The following PTPRD variants were observed in gnomAD, a reference collection of about 807,000 sequenced individuals.
PTPRD encodes the protein protein tyrosine phosphatase receptor type D.
In PTPRD, 34 loss-of-function variants were observed where a neutral mutation model predicts 214.5. The ratio of observed to expected loss-of-function variants is 0.16; its 90% confidence interval spans 0.12 to 0.21. The LOEUF (loss-of-function observed/expected upper bound fraction) is 0.21, where lower values mean the gene tolerates loss of function less well. Among genes scored for constraint, PTPRD ranks in the 10% least tolerant of loss-of-function variants. The pLI, the probability that PTPRD is intolerant of heterozygous loss-of-function variation, is 1.00. For synonymous variants in PTPRD, 1,128 were observed against 845.7 expected, an observed-to-expected ratio of 1.33 and a Z score of -5.79; for missense variants, 2,545 against 2,398.7, an observed-to-expected ratio of 1.06 and a Z score of -1.27.
intron 2 of PTPRD, among the ~76,000 whole-genome samples, chr9:10,486,149 G>A (rs193164146): frequency 1.3e-5 from 2 of 151,918 alleles, no homozygotes; most frequent in Non-Finnish European, 2.9e-5. Flanking sequence ...TCACTCTGAT[G>A]GTAGTTTCTT....
intron 2 of PTPRD, among the ~76,000 whole-genome samples, chr9:10,492,771 C>A (rs561760214): frequency 6.6e-6 from 1 of 152,128 alleles, no homozygotes; most frequent in South Asian, 2.1e-4. Flanking sequence ...TGGTGTTATT[C>A]ATGAAGTCTA....
chr9:8,547,596 T>C (rs2140485092), intron 14 of PTPRD, among the ~76,000 whole-genome samples: 1 of 150,148 alleles, frequency 6.7e-6, no homozygotes, highest in East Asian at 2.0e-4. Flanking sequence ...TGAGCCGTGT[T>C]CACACCACCG....
intron 11 of PTPRD, 128 bp from the exon 12 acceptor site, chr9:8,734,074 T>C: frequency 3.5e-6 from 2 of 565,618 alleles, no homozygotes; most frequent in South Asian, 2.1e-5. Flanking sequence ...ACACAATAAA[T>C]TGTAACTGTC....
intron 3 of PTPRD, among the ~76,000 whole-genome samples, chr9:10,052,922 T>G (rs2097559915): frequency 6.6e-6 from 1 of 152,164 alleles, no homozygotes; most frequent in South Asian, 2.1e-4. Flanking sequence ...AGGAACTCAC[T>G]GTGAAGAGTA....
At chr9:10,049,453 C>G (rs1311922561) in intron 3 of PTPRD, among the ~76,000 whole-genome samples, 6 of 126,872 alleles carry the variant, frequency 4.7e-5, no homozygotes, top group African/African-American at 1.7e-4. Context: ...AAAAAAAAAC[C>G]CTTCTATATG....
At chr9:8,861,205 A>G (rs758547316) in intron 11 of PTPRD, 1 of 152,192 alleles carries the variant, frequency 6.6e-6, no homozygotes, top group African/African-American at 2.4e-5. Flanking sequence ...GAGGCATCCT[A>G]ACAGGAGACT....
At chr9:8,750,940 C>T (rs1364179746) in intron 11 of PTPRD, among the ~76,000 whole-genome samples, 2 of 152,102 alleles carry the variant, frequency 1.3e-5, no homozygotes, top group African/African-American at 2.4e-5. Flanking sequence ...CAACCTCCCC[C>T]GACTGCCCTC....
At chr9:8,915,009 C>T (rs368396352) in intron 11 of PTPRD, among the ~76,000 whole-genome samples, 5 of 151,820 alleles carry the variant, frequency 3.3e-5, no homozygotes, top group South Asian at 4.2e-4. Flanking sequence ...GAACCCTGTA[C>T]GAGAACACAT....
At chr9:10,583,684 T>C (rs1050071142) in intron 2 of PTPRD, among the ~76,000 whole-genome samples, 1 of 152,014 alleles carries the variant, frequency 6.6e-6, no homozygotes, top group African/African-American at 2.4e-5. Context: ...TTCACCATGT[T>C]AGTCAGGATG....
rs761320555 is a variant in PTPRD at position 8,465,690 on chromosome 9, T to G, written c.3505-15A>C. 1.3e-6 allele frequency: 2 copies of G among 1,587,474 alleles called. No individual in the cohort carries two copies. Among genetic ancestry groups the G allele is most frequent in the Admixed American group, 3.6e-5 (2 of 54,830 alleles). On this transcript the variant is annotated splice_polypyrimidine_tract_variant and intron_variant, in intron 31 of 45. Coordinates refer to ENST00000381196, the MANE Select transcript of PTPRD (RefSeq NM_002839.4). ...TCCTTAAGCAGCTTAAGGAAAAAAG[T>G]GGGAAACAGAAAAAGAACTGTAAAT...
chr9:10,040,984 G>A (rs140765281), intron 3 of PTPRD, among the ~76,000 whole-genome samples: 15 of 152,056 alleles, frequency 9.9e-5, no homozygotes, highest in African/African-American at 3.6e-4. Context: ...TTGTTGTTTT[G>A]AAGAGTGATA....
intron 3 of PTPRD, among the ~76,000 whole-genome samples, chr9:10,333,368 A>C (rs1466023680): frequency 6.6e-6 from 1 of 151,788 alleles, no homozygotes; most frequent in Admixed American, 6.6e-5. Context: ...GGAAGACATC[A>C]AAGTAGCTGT....
At chr9:8,624,760 C>G (rs1242765461) in intron 14 of PTPRD, among the ~76,000 whole-genome samples, 1 of 151,776 alleles carries the variant, frequency 6.6e-6, no homozygotes, top group Non-Finnish European at 1.5e-5. Flanking sequence ...AAGGTTGATA[C>G]AAATTCATGC....
rs190702676 is a variant in PTPRD at position 9,294,210 on chromosome 9, T to G, written c.-203+103239A>C. On this transcript the variant is annotated intron_variant, in intron 9 of 45. Coordinates refer to ENST00000381196, the MANE Select transcript of PTPRD (RefSeq NM_002839.4). ...ATGTAAAACTTATGAATTGTTTATT[T>G]CTGGAATTTTCCACTTACTATTTCA... Among the ~76,000 whole-genome samples, 13 of 151,834 alleles carry G rather than the reference T, an allele frequency of 8.6e-5. No individual in the cohort carries two copies. In the East Asian group the frequency reaches 2.3e-3, roughly 27 times the overall value.
chr9:8,988,736 G>A (rs941362076), intron 11 of PTPRD, among the ~76,000 whole-genome samples: 1 of 152,034 alleles, frequency 6.6e-6, no homozygotes, highest in South Asian at 2.1e-4. Flanking sequence ...TTGCTCCTGT[G>A]TCTCTTTCAT....
chr9:9,794,496 G>C (rs1270754657), intron 5 of PTPRD, among the ~76,000 whole-genome samples: 1 of 146,576 alleles, frequency 6.8e-6, no homozygotes, highest in Admixed American at 6.8e-5. Flanking sequence ...GAAGGCATGG[G>C]GGGTATATGT....
At chr9:8,792,981 G>C (rs1566102211) in intron 11 of PTPRD, among the ~76,000 whole-genome samples, 1 of 152,140 alleles carries the variant, frequency 6.6e-6, no homozygotes, top group African/African-American at 2.4e-5. Flanking sequence ...TAGGAAAAGT[G>C]GTACAATGCC....
intron 8 of PTPRD, among the ~76,000 whole-genome samples, chr9:9,431,357 C>G (rs573710044): frequency 1.7e-4 from 26 of 152,224 alleles, no homozygotes; most frequent in Admixed American, 7.8e-4. Flanking sequence ...CAATGAGATA[C>G]CATCTCACAC....
chr9:9,960,210 G>C (rs893149648), intron 4 of PTPRD, among the ~76,000 whole-genome samples: 1 of 137,476 alleles, frequency 7.3e-6, no homozygotes, highest in Non-Finnish European at 1.5e-5. Context: ...GAAAAAAGGA[G>C]TATGAAAATT....
Sources: allele counts gnomAD v4.1 joint callset (sites outside exome capture counted in the v4.1 genomes callset), GRCh38; gene constraint gnomAD v4.1.1; transcripts MANE v1.5; gene names NCBI Gene and HGNC (gene_info 2026-07-23, HGNC 2026-07-21).